Variants in TRPC5 observed in about 807,000 individuals in gnomAD.
TRPC5 encodes the protein transient receptor potential cation channel subfamily C member 5.
In TRPC5, 9 loss-of-function variants were observed where a neutral mutation model predicts 56.5. The ratio of observed to expected loss-of-function variants is 0.16; its 90% CI spans 0.10 to 0.28. The LOEUF (loss-of-function observed/expected upper bound fraction) is 0.28, where lower values mean the gene tolerates loss of function less well. Ranked by LOEUF, TRPC5 falls within the 10% of genes least tolerant of loss-of-function variation. TRPC5 has a pLI of 1.00. For missense variants in TRPC5, 469 were observed against 748.9 expected, an observed-to-expected ratio of 0.63 and a Z score of 4.36; for synonymous variants, 282 against 278.5, an observed-to-expected ratio of 1.01 and a Z score of -0.13.
chrX:112,065,191 G>A (rs1930553787), intron 1 of TRPC5, among the ~76,000 whole-genome samples: 2 of 110,975 alleles, frequency 1.8e-5, no homozygotes, highest in South Asian at 7.7e-4. Context: ...TCTCTCTCCT[G>A]AGTTTAACAT....
chrX:111,832,069 G>A (rs1157385393), intron 7 of TRPC5, among the ~76,000 whole-genome samples: 1 of 111,668 alleles, frequency 9.0e-6, no homozygotes, highest in Non-Finnish European at 1.9e-5. Flanking sequence ...ACTGCTAATT[G>A]TCAATAACAA....
chrX:111,998,051 A>G (rs967599070), intron 1 of TRPC5, among the ~76,000 whole-genome samples: 2 of 110,886 alleles, frequency 1.8e-5, no homozygotes, highest in African/African-American at 6.6e-5. Context: ...AGGAGCTGCA[A>G]TCCTTTGGAG....
intron 1 of TRPC5, among the ~76,000 whole-genome samples, chrX:112,012,116 T>C (rs1315760031): frequency 8.9e-6 from 1 of 112,167 alleles, no homozygotes; most frequent in Admixed American, 9.5e-5. Context: ...GGGTCTACTG[T>C]ATATTCAACT....
intron 2 of TRPC5, among the ~76,000 whole-genome samples, chrX:111,948,870 C>T (rs989403702): frequency 3.6e-5 from 4 of 111,723 alleles, no homozygotes; most frequent in African/African-American, 1.3e-4. Flanking sequence ...CTGTAACTTC[C>T]TTATCTGAGT....
chrX:111,902,794 G>C (rs1421143442), intron 3 of TRPC5: 1 of 112,026 alleles, frequency 8.9e-6, no homozygotes, highest in African/African-American at 3.2e-5. Context: ...CTGTTGCCAA[G>C]GAGAAAACTG....
rs1308863725 is a variant in TRPC5 at position 111,952,057 on chromosome X, T to C, written c.364A>G (p.Ser122Gly). The C allele has an allele frequency of 1.7e-6, 2 of 1,206,098 alleles. No homozygotes were observed. The highest frequency in any genetic ancestry group is 2.2e-6 in the Non-Finnish European group (2 of 892,716). The change falls in exon 2 of 11, where the codon AGC (serine) becomes GGC (glycine). Residue 122 changes from serine (S) to glycine (G), a missense_variant. By Grantham distance (56) the Ser-to-Gly change is moderately conservative (BLOSUM62 0). Transcript: ENST00000262839. ...ATTTCTCTTACCTGCTTCTCTCCGC[T>C]GGGCCGCCTGTAGCTGAGCAGAAGC... ...VELLLSYRRP[S>G]GEKQVPTLMM... is the part of the protein sequence containing the mutation.
chrX:112,008,373 C>T (rs955239510), intron 1 of TRPC5, among the ~76,000 whole-genome samples: 3 of 111,150 alleles, frequency 2.7e-5, no homozygotes, highest in African/African-American at 9.8e-5. Flanking sequence ...AGGTGGATCA[C>T]GAGGTCAGGA....
intron 1 of TRPC5, among the ~76,000 whole-genome samples, chrX:112,054,226 G>T (rs975825533): frequency 2.7e-5 from 3 of 111,373 alleles, no homozygotes; most frequent in Non-Finnish European, 5.7e-5. Flanking sequence ...ACCTCTTTGG[G>T]GCAATGTGTT....
intron 7 of TRPC5, among the ~76,000 whole-genome samples, chrX:111,790,144 G>T (rs1377874935): frequency 8.9e-6 from 1 of 111,739 alleles, no homozygotes; most frequent in Admixed American, 9.5e-5. Flanking sequence ...CAATAGCAAA[G>T]ACTTGGAACC....
chrX:112,080,886 G>A (rs913583448), intron 1 of TRPC5, among the ~76,000 whole-genome samples: 2 of 112,278 alleles, frequency 1.8e-5, no homozygotes, highest in African/African-American at 6.5e-5. Context: ...GGGTCTGGGT[G>A]TGCCATGTCA....
intron 3 of TRPC5, among the ~76,000 whole-genome samples, chrX:111,873,478 G>A (rs537992484): frequency 1.4e-4 from 16 of 111,407 alleles, no homozygotes; most frequent in African/African-American, 5.2e-4. Context: ...AAACCTACAC[G>A]TGTGCCCTTT....
At chrX:112,045,962 T>C (rs1930008429) in intron 1 of TRPC5, among the ~76,000 whole-genome samples, 2 of 111,299 alleles carry the variant, frequency 1.8e-5, no homozygotes, top group African/African-American at 6.5e-5. Flanking sequence ...CCAGGGGACA[T>C]TGGTGATGTC....
chrX:111,887,430 G>A (rs1924561741), intron 3 of TRPC5, among the ~76,000 whole-genome samples: 1 of 112,122 alleles, frequency 8.9e-6, no homozygotes, highest in Non-Finnish European at 1.9e-5. Context: ...CACTGGGTTA[G>A]TGGCACAAGC....
chrX:111,870,069 A>G (rs945941480), intron 3 of TRPC5, among the ~76,000 whole-genome samples: 2 of 112,103 alleles, frequency 1.8e-5, no homozygotes, highest in African/African-American at 6.5e-5. Context: ...GGGGAAATCT[A>G]ATGAAAGCTC....
intron 1 of TRPC5, among the ~76,000 whole-genome samples, chrX:112,034,220 A>T (rs1260492835): frequency 9.0e-6 from 1 of 111,383 alleles, no homozygotes; most frequent in Admixed American, 9.5e-5. Context: ...CCTTTTAAGC[A>T]GTATTGAAAT....
At chrX:111,915,468 G>GTGGAA (rs1277884334) in intron 2 of TRPC5, among the ~76,000 whole-genome samples, 1 of 111,279 alleles carries the variant, frequency 9.0e-6, no homozygotes, top group African/African-American at 3.3e-5. Flanking sequence ...GATCCCCTGT[G>GTGGAA]TGGAATGGTC....
intron 3 of TRPC5, among the ~76,000 whole-genome samples, chrX:111,860,860 C>G (rs760608836): frequency 4.5e-5 from 5 of 111,708 alleles, no homozygotes; most frequent in Non-Finnish European, 9.4e-5. Flanking sequence ...CTGTGCAGCA[C>G]CCAAAAGCCA....
intron 1 of TRPC5, among the ~76,000 whole-genome samples, chrX:112,028,540 C>T (rs777248586): frequency 9.0e-6 from 1 of 111,542 alleles, no homozygotes; most frequent in Admixed American, 9.5e-5. Context: ...GTTTTCTGTC[C>T]TTGTGATAGT....
chrX:112,001,660 G>A (rs967194997), intron 1 of TRPC5, among the ~76,000 whole-genome samples: 8 of 111,362 alleles, frequency 7.2e-5, no homozygotes, highest in African/African-American at 2.6e-4. Context: ...ATTTGGGAGG[G>A]TGAGACATGA....
Sources: gnomAD v4.1 joint callset for allele counts (sites outside exome capture counted in the v4.1 genomes callset) on GRCh38, gnomAD v4.1.1 for gene constraint, MANE v1.5 for transcripts, NCBI Gene and HGNC (gene_info 2026-07-23, HGNC 2026-07-21) for gene names.